Variants in NRXN1 observed in about 807,000 individuals in gnomAD.
NRXN1 encodes neurexin-1.
NRXN1 carries 39 observed loss-of-function variants against 150.9 expected under a neutral mutation model. The ratio of observed to expected loss-of-function variants is 0.26; its 90% CI spans 0.20 to 0.34. The LOEUF is 0.34. NRXN1 is among the 10% of genes least tolerant of loss of function. The pLI is 1.00. For synonymous variants in NRXN1, 924 were observed against 757.0 expected, an observed-to-expected ratio of 1.22 and a Z score of -3.62; for missense variants, 1,815 against 1,949.9, an observed-to-expected ratio of 0.93 and a Z score of 1.30.
chr2:49,925,575 ATG>A (rs897277927), intron 22 of NRXN1, among the ~76,000 whole-genome samples: 3 of 152,132 alleles, frequency 2.0e-5, no homozygotes, highest in Non-Finnish European at 4.4e-5. Flanking sequence ...ATTTACTAAA[ATG>A]TGAAAAAAAG....
intron 8 of NRXN1, among the ~76,000 whole-genome samples, chr2:50,591,798 G>A (rs1480306698): frequency 2.0e-5 from 3 of 152,212 alleles, no homozygotes; most frequent in Non-Finnish European, 4.4e-5. Context: ...GCGCCCCAGT[G>A]TGCATGCTAA....
chr2:50,765,407 AG>A (rs1702268989), intron 5 of NRXN1, among the ~76,000 whole-genome samples: 1 of 152,200 alleles, frequency 6.6e-6, no homozygotes, highest in Non-Finnish European at 1.5e-5. Flanking sequence ...AAAAGAAAAA[AG>A]ATCACCACCT....
chr2:50,782,056 A>G (rs1704421357), intron 5 of NRXN1, among the ~76,000 whole-genome samples: 1 of 152,232 alleles, frequency 6.6e-6, no homozygotes, highest in Admixed American at 6.5e-5. Context: ...CTATGTTTAC[A>G]ATTAACTACA....
chr2:50,760,993 CAATT>C (rs1293316616), intron 5 of NRXN1, among the ~76,000 whole-genome samples: 1 of 151,942 alleles, frequency 6.6e-6, no homozygotes, highest in East Asian at 1.9e-4. Context: ...CCAAACCAAC[CAATT>C]AATTCTCTAC....
chr2:50,621,578 G>A (rs193150323), intron 6 of NRXN1, among the ~76,000 whole-genome samples: 1 of 152,220 alleles, frequency 6.6e-6, no homozygotes, highest in Admixed American at 6.5e-5. Context: ...GTACATCTGA[G>A]AGACATTGGA....
intron 5 of NRXN1, among the ~76,000 whole-genome samples, chr2:50,757,192 T>C (rs889794644): frequency 7.2e-5 from 11 of 151,852 alleles, no homozygotes; most frequent in Admixed American, 3.3e-4. Context: ...ACGGAAATTA[T>C]AGAATCTTCA....
intron 5 of NRXN1, among the ~76,000 whole-genome samples, chr2:50,685,165 A>T (rs1469712380): frequency 2.0e-5 from 3 of 152,146 alleles, no homozygotes; most frequent in Non-Finnish European, 4.4e-5. Context: ...ATTTCAATTA[A>T]CTTTCTTTCA....
chr2:50,342,099 G>T (rs1209084818), intron 17 of NRXN1, among the ~76,000 whole-genome samples: 1 of 152,058 alleles, frequency 6.6e-6, no homozygotes, highest in Non-Finnish European at 1.5e-5. Context: ...GTCCTCCATG[G>T]TACCTGGTAC....
intron 17 of NRXN1, among the ~76,000 whole-genome samples, chr2:50,418,913 G>C (rs1174456895): frequency 1.3e-5 from 2 of 151,794 alleles, no homozygotes; most frequent in Non-Finnish European, 2.9e-5. Flanking sequence ...TCATATTTAA[G>C]TTACAAAAAT....
chr2:49,959,952 G>C (rs899598638), intron 21 of NRXN1, among the ~76,000 whole-genome samples: 4 of 152,136 alleles, frequency 2.6e-5, no homozygotes, highest in Non-Finnish European at 5.9e-5. Flanking sequence ...AGTGCATGAA[G>C]AATGCAAATG....
intron 17 of NRXN1, among the ~76,000 whole-genome samples, chr2:50,396,375 T>A (rs1422067901): frequency 6.6e-6 from 1 of 152,220 alleles, no homozygotes; most frequent in Non-Finnish European, 1.5e-5. Flanking sequence ...GAACTATTTG[T>A]GATCTAAAAT....
At chr2:49,930,383 G>A (rs1321923102) in intron 22 of NRXN1, among the ~76,000 whole-genome samples, 1 of 151,908 alleles carries the variant, frequency 6.6e-6, no homozygotes. Flanking sequence ...AAAATACAGA[G>A]TGTGTGTCAA....
At chr2:50,470,943 T>C (rs1379357372) in intron 16 of NRXN1, among the ~76,000 whole-genome samples, 2 of 151,838 alleles carry the variant, frequency 1.3e-5, no homozygotes, top group African/African-American at 2.4e-5. Context: ...CCTGGGGTGA[T>C]ACAAGAAACT....
At chr2:50,495,228 C>T (rs951524180) in intron 15 of NRXN1, among the ~76,000 whole-genome samples, 10 of 152,100 alleles carry the variant, frequency 6.6e-5, no homozygotes, top group African/African-American at 2.4e-4. Flanking sequence ...AGTCATTTCT[C>T]TTCTATTATT....
intron 2 of NRXN1, among the ~76,000 whole-genome samples, chr2:50,936,856 GGTAGT>G (rs1425837490): frequency 6.6e-6 from 1 of 151,912 alleles, no homozygotes; most frequent in Non-Finnish European, 1.5e-5. Context: ...TGAAAACGTG[GGTAGT>G]GTGATAATTT....
At chr2:50,955,199 A>T (rs1205856451) in intron 2 of NRXN1, among the ~76,000 whole-genome samples, 2 of 152,212 alleles carry the variant, frequency 1.3e-5, no homozygotes, top group East Asian at 3.9e-4. Context: ...TATAAAGTGG[A>T]GGCTGCAAAT....
intron 2 of NRXN1, among the ~76,000 whole-genome samples, chr2:51,010,012 A>T (rs1246856500): frequency 6.6e-6 from 1 of 151,968 alleles, no homozygotes; most frequent in Non-Finnish European, 1.5e-5. Flanking sequence ...ATATTCTGCA[A>T]GGTTACTGTG....
At chr2:50,150,712 T>C (rs1383142705) in intron 18 of NRXN1, among the ~76,000 whole-genome samples, 1 of 151,708 alleles carries the variant, frequency 6.6e-6, no homozygotes, top group Non-Finnish European at 1.5e-5. Context: ...CTTCTGCGAT[T>C]TATAAAACTA....
rs371522568 is a variant in NRXN1, at chr2:49,950,312, A to G, written c.4129-6521T>C. On this transcript the variant is annotated intron_variant, in intron 21 of 22. Transcript: ENST00000401669. ...TCTTATTCTTGTTTCCACTGTCTCA[A>G]TGAAGTTGCCTCAATTGACATAAAG... Among the ~76,000 whole-genome samples the G allele has an allele frequency of 7.9e-5, 12 of 152,026 alleles. 1 individual carries two copies. Among genetic ancestry groups the G allele is most frequent in the African/African-American group, 2.6e-4 (11 of 41,542 alleles).
Sources: allele counts gnomAD v4.1 joint callset (sites outside exome capture counted in the v4.1 genomes callset), GRCh38; gene constraint gnomAD v4.1.1; transcripts MANE v1.5; gene names NCBI Gene and HGNC (gene_info 2026-07-23, HGNC 2026-07-21).